The following RFXANK variants were observed in gnomAD, a reference collection of about 807,000 sequenced individuals.
RFXANK encodes the protein regulatory factor X associated ankyrin containing protein.
RFXANK carries 19 observed loss-of-function variants against 34.5 expected under a neutral mutation model. That is an observed-to-expected ratio of 0.55 (90% CI 0.38 to 0.81). The LOEUF (loss-of-function observed/expected upper bound fraction) is 0.81, where lower values mean the gene tolerates loss of function less well. Among genes scored for constraint, RFXANK ranks in the 30% least tolerant of loss-of-function variants. RFXANK has a pLI of 0.00. For synonymous variants in RFXANK, 154 were observed against 149.8 expected, an observed-to-expected ratio of 1.03 and a Z score of -0.20; for missense variants, 295 against 343.5, an observed-to-expected ratio of 0.86 and a Z score of 1.12.
rs1226353253 is a variant in RFXANK, at chr19:19,193,941, T to C, written c.-6T>C. ...TCCCCTTCTGACACCTCCGCCAGCT[T>C]TCCCCATGGAGCTTACCCAGCCTGC... On this transcript the variant is annotated splice_region_variant and 5_prime_UTR_variant, in exon 3 of 10. Coordinates refer to ENST00000303088, the MANE Select transcript of RFXANK (RefSeq NM_003721.4). 4 of 1,614,204 alleles carry C rather than the reference T, an allele frequency of 2.5e-6. No individual in the cohort carries two copies. Among genetic ancestry groups the C allele is most frequent in the African/African-American group, 2.7e-5 (2 of 75,066 alleles).
At position 19,197,016 on chromosome 19, in the gene RFXANK, G is replaced by A. The variant is rs779382779; in HGVS notation, c.241G>A (p.Glu81Lys). 26 of 1,613,460 alleles carry A rather than the reference G, an allele frequency of 1.6e-5. No homozygotes were observed. The highest frequency in any genetic ancestry group is 2.0e-5 in the Non-Finnish European group (24 of 1,180,034). ...TTLTNRQRGN[E>K]VSALPATLDS... is the part of the protein sequence containing the mutation. ...TCTCACCAACCGGCAGCGAGGGAACGAGGTGTCAGCTCTGCCGGCCACCCT... is the reference window on the plus strand; with the variant it reads ...TCTCACCAACCGGCAGCGAGGGAACAAGGTGTCAGCTCTGCCGGCCACCCT... The change falls in exon 4 of 10, where the codon GAG (glutamate) becomes AAG (lysine). Residue 81 changes from glutamate (E) to lysine (K), a missense_variant. Transcript: ENST00000303088.
chr19:19,199,782 A>G lies in RFXANK; in HGVS notation c.712+548A>G, dbSNP rs1201864408. Among the ~76,000 whole-genome samples the G allele has an allele frequency of 2.0e-5, 3 of 152,270 alleles. No individual in the cohort carries two copies. In the East Asian group the frequency reaches 5.8e-4, roughly 29 times the overall value. ...TCCGTGGCGGGCAGTGGGTTTGAAC[A>G]GGGGCCATAGGCAGACCCCAGTTTG... On this transcript the variant is annotated intron_variant, in intron 9 of 9. Transcript: ENST00000303088.
intron 7 of RFXANK, 102 bp from the exon 8 acceptor site, chr19:19,198,555 G>A: frequency 7.4e-7 from 1 of 1,348,480 alleles, no homozygotes; most frequent in East Asian, 2.3e-5. Flanking sequence ...GCCCAGTGAT[G>A]AGCAGGAGGA....
At chr19:19,198,567 C>A in intron 7 of RFXANK, 90 bp from the exon 8 acceptor site, 1 of 1,464,016 alleles carries the variant, frequency 6.8e-7, no homozygotes, top group Non-Finnish European at 9.5e-7. Flanking sequence ...GCAGGAGGAA[C>A]CACGTTCAAC....
chr19:19,201,320 C>T, intron 9 of RFXANK: 1 of 720,368 alleles, frequency 1.4e-6, no homozygotes, highest in South Asian at 1.8e-5. Flanking sequence ...TCAAGCAGTC[C>T]TCCCCACTGG....
At chr19:19,193,347 G>A (rs3761079) in intron 2 of RFXANK, among the ~76,000 whole-genome samples, 1 of 151,962 alleles carries the variant, frequency 6.6e-6, no homozygotes, top group South Asian at 2.1e-4. Context: ...AAGTTCTCAC[G>A]GCCTATAAAT....
At chr19:19,200,788 A>ATTT (rs71170606) in intron 9 of RFXANK, 882 of 84,582 alleles carry the variant, frequency 0.01, 111 homozygotes, top group African/African-American at 0.047. Context: ...CACCTGGCTA[A>ATTT]TTTTTTTTTT....
intron 3 of RFXANK, 89 bp from the exon 4 acceptor site, chr19:19,196,874 C>T: frequency 8.1e-7 from 1 of 1,232,258 alleles, no homozygotes; most frequent in Non-Finnish European, 1.2e-6. Context: ...CAAACAACAA[C>T]AGCAACAAAA....
intron 3 of RFXANK, among the ~76,000 whole-genome samples, chr19:19,194,882 C>G (rs1165201912): frequency 6.6e-6 from 1 of 152,068 alleles, no homozygotes; most frequent in Non-Finnish European, 1.5e-5. Context: ...GTTTTACTTA[C>G]TGAGGAACTG....
chr19:19,199,989 C>T (rs753380766), intron 9 of RFXANK, among the ~76,000 whole-genome samples: 2 of 151,926 alleles, frequency 1.3e-5, no homozygotes, highest in African/African-American at 4.8e-5. Context: ...CTCATGTTTT[C>T]GGGGGGTTTG....
Position 19,198,699 on chromosome 19 carries a change from G to T in RFXANK, c.607G>T (p.Val203Leu). 6.2e-7 allele frequency: 1 copy of T among 1,613,996 alleles called. No individual in the cohort carries two copies. The highest frequency in any genetic ancestry group is 2.2e-5 in the East Asian group (1 of 44,882). The change falls in exon 8 of 10, where the codon GTG (valine) becomes TTG (leucine). Residue 203 changes from valine (V) to leucine (L), a missense_variant. Transcript: ENST00000303088. Reference sequence around the variant, plus strand: ...GCTGTACGCTGTGCGCGGGAACCACGTGAAATGCGTTGAGGCCTTGCTGGG... The same window carrying T: ...GCTGTACGCTGTGCGCGGGAACCACTTGAAATGCGTTGAGGCCTTGCTGGG... Reference protein sequence around the residue: ...PLLYAVRGNHVKCVEALLARG... With the variant: ...PLLYAVRGNHLKCVEALLARG...
rs112586051 is a variant in RFXANK at position 19,192,378 on chromosome 19, G to A, written c.-326G>A. On this transcript the variant is annotated 5_prime_UTR_variant, in exon 1 of 10. Coordinates refer to ENST00000303088, the MANE Select transcript of RFXANK (RefSeq NM_003721.4). ...TGGAGCGACACCCAGGCAGGAGAGG[G>A]GGAAGAACTCTCTCCCTTTCTGAAC... 17 of 578,520 alleles carry A rather than the reference G, an allele frequency of 2.9e-5. No homozygotes were observed. The highest frequency in any genetic ancestry group is 2.1e-4 in the African/African-American group (11 of 53,234). 35.8% of individuals were successfully genotyped at this position (578,520 alleles called of 1,614,324 possible).
In RFXANK at chr19:19,192,396, T is replaced by G; in HGVS notation, c.-308T>G. The G allele has an allele frequency of 1.8e-6, 1 of 554,056 alleles. No homozygotes were observed. 34.3% of individuals were successfully genotyped at this position (554,056 alleles called of 1,614,324 possible). A position where few individuals can be genotyped will look rare whatever the true frequency, so the allele number is the denominator to read the frequency against. On this transcript the variant is annotated 5_prime_UTR_variant, in exon 1 of 10. Transcript: ENST00000303088. Reference sequence around the variant, plus strand: ...GGAGAGGGGGAAGAACTCTCTCCCTTTCTGAACCCCCTTTTCCTTGAGAGA... The same window carrying G: ...GGAGAGGGGGAAGAACTCTCTCCCTGTCTGAACCCCCTTTTCCTTGAGAGA...
Position 19,194,027 on chromosome 19 carries a change from C to T in RFXANK, c.81C>T (p.Pro27=), listed in dbSNP as rs767737666. The change falls in exon 3 of 10, where the codon CCC becomes CCT. Residue 27 remains proline (P), a synonymous_variant. Coordinates refer to ENST00000303088, the MANE Select transcript of RFXANK (RefSeq NM_003721.4). The part of the protein sequence containing the change: ...PASELGDPED[P]GEEAADGSDT... ...CAGAACTTGGGGACCCTGAAGACCC[C>T]GGAGAGGAGGCTGCAGATGGCTCAG... The T allele has an allele frequency of 6.8e-6, 11 of 1,614,088 alleles. No homozygotes were observed. The highest frequency in any genetic ancestry group is 1.7e-5 in the Admixed American group (1 of 59,994).
intron 9 of RFXANK, among the ~76,000 whole-genome samples, chr19:19,199,710 G>A (rs57379914): frequency 0.028 from 4,198 of 152,206 alleles, 190 homozygotes; most frequent in African/African-American, 0.096. Context: ...GACACCAAGG[G>A]GTAGGCGACC....
Position 19,192,282 on chromosome 19 carries a change from G to T in RFXANK, c.-422G>T. 1 of 909,372 alleles carries T rather than the reference G, an allele frequency of 1.1e-6. No homozygotes were observed. The highest frequency in any genetic ancestry group is 1.7e-6 in the Non-Finnish European group (1 of 605,830). 56.3% of individuals were successfully genotyped at this position (909,372 alleles called of 1,614,324 possible). A position where few individuals can be genotyped will look rare whatever the true frequency, so the allele number is the denominator to read the frequency against. On this transcript the variant is annotated 5_prime_UTR_variant, in exon 1 of 10. Coordinates refer to ENST00000303088, the MANE Select transcript of RFXANK (RefSeq NM_003721.4). ...TCTTTGCGGACAAGAAAGGGGCTGT[G>T]TGAGACGCAGGGAAGGAGGCACACC...
Position 19,198,153 on chromosome 19 carries a change from C to T in RFXANK, c.485C>T (p.Ser162Leu), listed in dbSNP as rs753776724. 7.4e-6 allele frequency: 12 copies of T among 1,614,116 alleles called. No homozygotes were observed. The highest frequency in any genetic ancestry group is 9.3e-6 in the Non-Finnish European group (11 of 1,180,006). The change falls in exon 7 of 10, where the codon TCG becomes TTG. Residue 162 changes from serine to leucine, a missense_variant. Ser to Leu is a moderately radical substitution (Grantham distance 145, BLOSUM62 -2). Transcript: ENST00000303088. The stretch of plus-strand genomic sequence containing the variant: ...GCAAAAGAGCGAGAGAGCGCCCTGT[C>T]GCTGGCCAGCACAGGCGGCTACACA... ...ILAKERESAL[S>L]LASTGGYTDI...
Position 19,198,564 on chromosome 19 carries a change from G to GCTC in RFXANK, c.565-93_565-92insCTC, listed in dbSNP as rs773733527. The GCTC allele has an allele frequency of 6.5e-4, 932 of 1,436,942 alleles. 2 individuals are homozygous for GCTC. The highest frequency in any genetic ancestry group is 7.7e-4 in the Non-Finnish European group (794 of 1,033,264). The allele number at this position is 1,436,942 out of a possible 1,614,324, so 89.0% of individuals were successfully genotyped here. A position where few individuals can be genotyped will look rare whatever the true frequency, so the allele number is the denominator to read the frequency against. On this transcript the variant is annotated intron_variant, in intron 7 of 9. Coordinates refer to ENST00000303088, the MANE Select transcript of RFXANK (RefSeq NM_003721.4). Reference sequence around the variant, plus strand: ...AGATGGGCCCAGTGATGAGCAGGAGGAACCACGTTCAACTGGAGGCCAGAG... The same window carrying GCTC: ...AGATGGGCCCAGTGATGAGCAGGAGGCTCAACCACGTTCAACTGGAGGCCAGAG...
rs2146522671 is a variant in RFXANK, at chr19:19,201,782, C to G, written c.*63C>G. 6.2e-7 allele frequency: 1 copy of G among 1,613,386 alleles called. No individual in the cohort carries two copies. The highest frequency in any genetic ancestry group is 8.5e-7 in the Non-Finnish European group (1 of 1,179,818). Reference sequence around the variant, plus strand: ...AATGGTCAGCCAGAGCTGGGGAAACCCAGAACTGACTTCAAAGGCAGCTTC... The same window carrying G: ...AATGGTCAGCCAGAGCTGGGGAAACGCAGAACTGACTTCAAAGGCAGCTTC... On this transcript the variant is annotated 3_prime_UTR_variant, in exon 10 of 10. Coordinates refer to ENST00000303088, the MANE Select transcript of RFXANK (RefSeq NM_003721.4).
Sources: allele counts gnomAD v4.1 joint callset (sites outside exome capture counted in the v4.1 genomes callset), GRCh38; gene constraint gnomAD v4.1.1; transcripts MANE v1.5; gene names NCBI Gene and HGNC (gene_info 2026-07-23, HGNC 2026-07-21).